SIDT2: variants seen among roughly 807,000 people sequenced by gnomAD.
SIDT2 encodes the protein SID1 transmembrane family member 2.
Under a neutral mutation model 114.4 loss-of-function variants are expected in SIDT2, and 68 were observed. That is an observed-to-expected ratio of 0.59 (90% CI 0.49 to 0.73). The LOEUF (loss-of-function observed/expected upper bound fraction) is 0.73, where lower values mean the gene tolerates loss of function less well. Among genes scored for constraint, SIDT2 ranks in the 30% least tolerant of loss-of-function variants. The probability of loss-of-function intolerance (pLI) is 0.00; values close to 1 mark genes in which losing one functional copy is unlikely to be tolerated. For synonymous variants in SIDT2, 470 were observed against 438.4 expected, an observed-to-expected ratio of 1.07 and a Z score of -0.90; for missense variants, 918 against 1,097.1, an observed-to-expected ratio of 0.84 and a Z score of 2.31.
At chr11:117,193,754 G>A in intron 23 of SIDT2, 99 bp from the exon 24 acceptor site, 1 of 816,154 alleles carries the variant, frequency 1.2e-6, no homozygotes, top group African/African-American at 1.7e-5. Flanking sequence ...GAAGGCCTGG[G>A]AGGCCATGAG....
rs376168069 is a variant in SIDT2, at chr11:117,195,861, C to T, written c.2382C>T (p.Asp794=). 8.9e-5 allele frequency: 144 copies of T among 1,614,114 alleles called. No homozygotes were observed. Among genetic ancestry groups the T allele is most frequent in the Middle Eastern group, 3.3e-4 (2 of 6,084 alleles). ...NRDCILLDFF[D]DHDIWHFLSS... is the part of the protein sequence containing the mutation. ...ACTGCATCCTCCTCGACTTCTTTGACGACCACGACATCTGGCACTTCCTCT... is the reference window on the plus strand; with the variant it reads ...ACTGCATCCTCCTCGACTTCTTTGATGACCACGACATCTGGCACTTCCTCT... The change falls in exon 25 of 26, where the codon GAC becomes GAT. Residue 794 remains aspartate, a synonymous_variant. Coordinates refer to ENST00000324225, the MANE Select transcript of SIDT2 (RefSeq NM_001040455.2).
intron 8 of SIDT2, 29 bp downstream of exon 8, chr11:117,184,168 T>A (rs748818745): frequency 6.2e-7 from 1 of 1,600,296 alleles, no homozygotes; most frequent in Non-Finnish European, 8.5e-7. Flanking sequence ...TGAGAGGGGA[T>A]GGACAAGCCT....
At chr11:117,191,830 GGGCTTGGT>G in intron 18 of SIDT2, 40 bp from the exon 19 acceptor site, 1 of 1,601,468 alleles carries the variant, frequency 6.2e-7, no homozygotes, top group Non-Finnish European at 8.5e-7. Context: ...TTCTCTGCTG[GGGCTTGGT>G]GGCCATTTCT....
At position 117,190,390 on chromosome 11, in the gene SIDT2, C is replaced by T; in HGVS notation, c.1617+101C>T. ...TTGGGCAGGCCTGGCCCTGCCTTCC[C>T]CAGCTCTCCCCTCCCCAGTTCTGTC... On this transcript the variant is annotated intron_variant, in intron 17 of 25. Coordinates refer to ENST00000324225, the MANE Select transcript of SIDT2 (RefSeq NM_001040455.2). This position sits in a 1 kb window ranked among gnomAD's most constrained non-coding sequence, Gnocchi z 4.1. The T allele has an allele frequency of 6.7e-7, 1 of 1,483,196 alleles. No homozygotes were observed. The highest frequency in any genetic ancestry group is 9.0e-7 in the Non-Finnish European group (1 of 1,113,258). The allele number at this position is 1,483,196 out of a possible 1,614,324, so 91.9% of individuals were successfully genotyped here. A position where few individuals can be genotyped will look rare whatever the true frequency, so the allele number is the denominator to read the frequency against.
rs184474630 is a variant in SIDT2 at position 117,179,337 on chromosome 11, C to T, written c.74C>T (p.Pro25Leu). 1.8e-5 allele frequency: 29 copies of T among 1,614,160 alleles called. No individual in the cohort carries two copies. The highest frequency in any genetic ancestry group is 2.4e-5 in the Non-Finnish European group (28 of 1,180,038). The change falls in exon 1 of 26, where the codon CCC becomes CTC. Residue 25 changes from proline (P) to leucine (L), a missense_variant. Pro to Leu is a moderately conservative substitution (Grantham distance 98, BLOSUM62 -3). Transcript: ENST00000324225. ...SVESHLGVLGPKNVSQKDAEF... is the reference protein window; with the variant it reads ...SVESHLGVLGLKNVSQKDAEF... ...GAGAGCCATCTGGGGGTTCTGGGGC[C>T]CAAGAACGTCTCGCAGAAAGACGCC...
chr11:117,186,869 T>C (rs2030515947), intron 10 of SIDT2: 14 of 1,199,874 alleles, frequency 1.2e-5, no homozygotes, highest in Non-Finnish European at 1.7e-5. Flanking sequence ...CTAGCGATGG[T>C]GTCTGCCTGC....
chr11:117,189,770 A>G (rs1004744560), intron 15 of SIDT2, 182 bp from the exon 16 acceptor site: 1 of 631,502 alleles, frequency 1.6e-6, no homozygotes, highest in Non-Finnish European at 2.8e-6. Flanking sequence ...ATGAGAGGGG[A>G]CAGCGACTGT....
intron 24 of SIDT2, among the ~76,000 whole-genome samples, chr11:117,194,860 G>A (rs1048814910): frequency 1.3e-5 from 2 of 151,912 alleles, no homozygotes; most frequent in South Asian, 2.1e-4. Context: ...AGGCCGAAGC[G>A]GGTGGATCAC....
rs1453903483 is a variant in SIDT2 at position 117,183,958 on chromosome 11, GA to G, written c.802+81del. ...GGGAGCAAGAAGAGCCTGCGTGGCT[GA>G]TTGGTGGACCTGATAGGACATGGGT... On this transcript the variant is annotated intron_variant, in intron 7 of 25. Coordinates refer to ENST00000324225, the MANE Select transcript of SIDT2 (RefSeq NM_001040455.2). 2.0e-6 allele frequency: 3 copies of G among 1,502,414 alleles called. No individual in the cohort carries two copies. In the African/African-American group the frequency reaches 4.1e-5, roughly 21 times the overall value. The allele number at this position is 1,502,414 out of a possible 1,614,324, so 93.1% of individuals were successfully genotyped here. A position where few individuals can be genotyped will look rare whatever the true frequency, so the allele number is the denominator to read the frequency against.
intron 6 of SIDT2, among the ~76,000 whole-genome samples, chr11:117,183,507 G>A (rs748105795): frequency 3.9e-5 from 6 of 152,032 alleles, no homozygotes; most frequent in Non-Finnish European, 8.8e-5. Context: ...GCGTGGTGAT[G>A]GACGCCTGTA....
chr11:117,191,745 C>T, intron 18 of SIDT2, 133 bp from the exon 19 acceptor site: 1 of 1,286,170 alleles, frequency 7.8e-7, no homozygotes, highest in Non-Finnish European at 1.1e-6. Flanking sequence ...AAGTGCCACC[C>T]TGCCACCAGC....
chr11:117,194,137 CAAAAAATA>C (rs899451939), intron 24 of SIDT2, 174 bp downstream of exon 24: 17 of 527,268 alleles, frequency 3.2e-5, no homozygotes, highest in Admixed American at 6.7e-5. Context: ...CCCGTCTCTA[CAAAAAATA>C]AAAAAATAAA....
chr11:117,193,761 T>G, intron 23 of SIDT2, 92 bp from the exon 24 acceptor site: 2 of 887,966 alleles, frequency 2.3e-6, no homozygotes, highest in Non-Finnish European at 3.7e-6. Flanking sequence ...TGGGAGGCCA[T>G]GAGGAAAGGG....
At position 117,192,941 on chromosome 11, in the gene SIDT2, G is replaced by T; in HGVS notation, c.2105+75G>T. 1 of 1,580,786 alleles carries T rather than the reference G, an allele frequency of 6.3e-7. No homozygotes were observed. On this transcript the variant is annotated intron_variant, in intron 22 of 25. Transcript: ENST00000324225. The surrounding 1 kb of genome is among the most constrained non-coding windows in gnomAD (Gnocchi z 5.9). ...CGGTCAGCCACTGGCTGCCTTGGGG[G>T]CTAAGGACAACTTCCAAATGTTGGG...
In SIDT2 at chr11:117,192,758, G is replaced by A. The variant is rs1352253646; in HGVS notation, c.2059-62G>A. 4 of 1,612,646 alleles carry A rather than the reference G, an allele frequency of 2.5e-6. No homozygotes were observed. In the East Asian group the frequency reaches 8.9e-5, roughly 36 times the overall value. ...GGGGAGAGTGGGGACCAGCTGGCTG[G>A]GCCTTCTTCCACCACCCTCCCTGCC... On this transcript the variant is annotated intron_variant, in intron 21 of 25. Coordinates refer to ENST00000324225, the MANE Select transcript of SIDT2 (RefSeq NM_001040455.2). This position sits in a 1 kb window ranked among gnomAD's most constrained non-coding sequence, Gnocchi z 5.9.
rs1387093780 is a variant in SIDT2, at chr11:117,183,799, C to T, written c.723C>T (p.Asn241=). The change falls in exon 7 of 26, where the codon AAC becomes AAT. Residue 241 remains asparagine (N), a synonymous_variant. Transcript: ENST00000324225. The part of the protein sequence containing the change: ...ITVQRKDFPS[N]SFYVVVVVKT... The stretch of plus-strand genomic sequence containing the variant: ...TGCAGCGCAAAGACTTCCCCAGCAA[C>T]AGCTTTTATGTGGTGGTGGTGGTGA... 6 of 1,613,856 alleles carry T rather than the reference C, an allele frequency of 3.7e-6. No homozygotes were observed. The Admixed American group carries it at 6.7e-5, about 18-fold the overall frequency.
chr11:117,186,985 C>G, intron 10 of SIDT2: 2 of 1,456,966 alleles, frequency 1.4e-6, no homozygotes, highest in Non-Finnish European at 1.8e-6. Flanking sequence ...GACCTTCTCT[C>G]TTAGCTTCTC....
intron 1 of SIDT2, 110 bp from the exon 2 acceptor site, chr11:117,181,306 A>G: frequency 6.6e-7 from 1 of 1,515,458 alleles, no homozygotes; most frequent in Non-Finnish European, 8.9e-7. Context: ...CCCGACCAAG[A>G]TGGAGAAAGA....
Position 117,192,181 on chromosome 11 carries a change from C to T in SIDT2, c.1873-73C>T. 1 of 1,479,262 alleles carries T rather than the reference C, an allele frequency of 6.8e-7. No individual in the cohort carries two copies. Among genetic ancestry groups the T allele is most frequent in the Non-Finnish European group, 9.4e-7 (1 of 1,061,920 alleles). 91.6% of individuals were successfully genotyped at this position (1,479,262 alleles called of 1,614,324 possible). A position where few individuals can be genotyped will look rare whatever the true frequency, so the allele number is the denominator to read the frequency against. On this transcript the variant is annotated intron_variant, in intron 19 of 25. Coordinates refer to ENST00000324225, the MANE Select transcript of SIDT2 (RefSeq NM_001040455.2). This position sits in a 1 kb window ranked among gnomAD's most constrained non-coding sequence, Gnocchi z 5.9. ...AGTCCCAGCCTGGCTGAGCAGCCAG[C>T]CCCAGGAAGGGTGGGCCATCCGAGC...
Sources: allele counts gnomAD v4.1 joint callset (sites outside exome capture counted in the v4.1 genomes callset), GRCh38; gene constraint gnomAD v4.1.1; non-coding constraint Gnocchi (gnomAD v3.1); transcripts MANE v1.5; gene names NCBI Gene and HGNC (gene_info 2026-07-23, HGNC 2026-07-21).